Variants in SKI observed in about 807,000 individuals in gnomAD.
SKI encodes ski oncogene.
A neutral mutation model predicts 59.3 loss-of-function variants in SKI; 23 were observed. The ratio of observed to expected loss-of-function variants is 0.39; its 90% CI spans 0.28 to 0.55. The LOEUF (loss-of-function observed/expected upper bound fraction) is 0.55, where lower values mean the gene tolerates loss of function less well. Ranked by LOEUF, SKI falls within the 20% of genes least tolerant of loss-of-function variation. The probability of loss-of-function intolerance (pLI) is 0.67; values close to 1 mark genes in which losing one functional copy is unlikely to be tolerated. For synonymous variants in SKI, 673 were observed against 488.6 expected (o/e 1.38, Z -4.98); for missense variants, 1,017 against 1,038.9 (o/e 0.98, Z 0.29).
chr1:2,284,801 C>T (rs546354402), intron 1 of SKI, among the ~76,000 whole-genome samples: 2 of 152,264 alleles, frequency 1.3e-5, no homozygotes, highest in East Asian at 1.9e-4. Context: ...CACGGGGGCC[C>T]ACCTTGGCCT....
intron 1 of SKI, among the ~76,000 whole-genome samples, chr1:2,232,141 G>C (rs1638652675): frequency 6.6e-6 from 1 of 152,254 alleles, no homozygotes; most frequent in Admixed American, 6.5e-5. Flanking sequence ...TGTCTTGACA[G>C]CTTATTCTCG....
intron 1 of SKI, among the ~76,000 whole-genome samples, chr1:2,295,511 C>T (rs957301247): frequency 6.6e-6 from 1 of 152,228 alleles, no homozygotes; most frequent in Non-Finnish European, 1.5e-5. Flanking sequence ...TCACCCCCAA[C>T]AAGAAGCCCC....
At chr1:2,271,245 T>C (rs1172435053) in intron 1 of SKI, among the ~76,000 whole-genome samples, 1 of 152,022 alleles carries the variant, frequency 6.6e-6, no homozygotes, top group African/African-American at 2.4e-5. Context: ...CCCTGATGGC[T>C]CCAGGGGCTT....
intron 1 of SKI, among the ~76,000 whole-genome samples, chr1:2,253,382 T>C (rs1316530861): frequency 6.6e-6 from 1 of 152,240 alleles, no homozygotes; most frequent in Non-Finnish European, 1.5e-5. Flanking sequence ...TTTAGGTGTC[T>C]GGAGTTATCC....
chr1:2,307,600 C>T lies in SKI; in HGVS notation c.*835C>T, dbSNP rs528280335. 2 of 152,634 alleles carry T rather than the reference C, an allele frequency of 1.3e-5. No homozygotes were observed. Among genetic ancestry groups the T allele is most frequent in the South Asian group, 2.1e-4 (1 of 4,830 alleles). 9.5% of individuals were successfully genotyped at this position (152,634 alleles called of 1,614,324 possible). ...CCTCCGGGCACACGTGCCGCCTGAC[C>T]GGGCGACCCTTTTCAGTTCGGCAAA... On this transcript the variant is annotated 3_prime_UTR_variant, in exon 7 of 7. Coordinates refer to ENST00000378536, the MANE Select transcript of SKI (RefSeq NM_003036.4).
At chr1:2,232,168 C>T (rs547355500) in intron 1 of SKI, among the ~76,000 whole-genome samples, 2 of 152,338 alleles carry the variant, frequency 1.3e-5, no homozygotes, top group African/African-American at 2.4e-5. Flanking sequence ...GTTTTGATTT[C>T]TTCACTTCCT....
intron 1 of SKI, among the ~76,000 whole-genome samples, chr1:2,249,943 C>T (rs1482687252): frequency 6.6e-6 from 1 of 152,084 alleles, no homozygotes; most frequent in Non-Finnish European, 1.5e-5. Context: ...GTCACTCTGT[C>T]TCCCAGGCTG....
chr1:2,288,062 C>A (rs927433631), intron 1 of SKI, among the ~76,000 whole-genome samples: 1 of 152,068 alleles, frequency 6.6e-6, no homozygotes, highest in Non-Finnish European at 1.5e-5. Context: ...GATCTCGGCT[C>A]ACCCCAACCT....
intron 1 of SKI, among the ~76,000 whole-genome samples, chr1:2,258,515 T>C (rs1420677875): frequency 6.6e-6 from 1 of 151,912 alleles, no homozygotes; most frequent in Non-Finnish European, 1.5e-5. Flanking sequence ...TTTTTTTTTT[T>C]TTTTCTCCCA....
At chr1:2,236,373 G>A (rs1450144317) in intron 1 of SKI, among the ~76,000 whole-genome samples, 2 of 152,132 alleles carry the variant, frequency 1.3e-5, no homozygotes, top group Non-Finnish European at 1.5e-5. Flanking sequence ...CCATTCTTTG[G>A]CTAGAAGGAG....
intron 1 of SKI, among the ~76,000 whole-genome samples, chr1:2,300,022 T>TC (rs1288584170): frequency 6.6e-6 from 1 of 152,210 alleles, no homozygotes; most frequent in Non-Finnish European, 1.5e-5. Flanking sequence ...CAGGAACTGT[T>TC]CCGTCAGAGG....
Position 2,229,315 on chromosome 1 carries a change from G to T in SKI, c.549G>T (p.Glu183Asp), listed in dbSNP as rs1352052317. Residue 183 changes from glutamate (E) to aspartate (D), a missense_variant, in exon 1 of 7, where the codon GAG becomes GAT. Physicochemically the swap from Glu to Asp is conservative, Grantham distance 45. Coordinates refer to ENST00000378536, the MANE Select transcript of SKI (RefSeq NM_003036.4). This position sits in a 1 kb window ranked among gnomAD's most constrained non-coding sequence, Gnocchi z 6.3. ...GGCTCATCACCAAGACGGACGCCGA[G>T]CGCCTGTGCAACGCGCTGCTCTACG... The part of the protein sequence containing the change: ...SCGLITKTDA[E>D]RLCNALLYGG... 1 of 1,596,418 alleles carries T rather than the reference G, an allele frequency of 6.3e-7. No individual in the cohort carries two copies. Among genetic ancestry groups the T allele is most frequent in the Non-Finnish European group, 8.5e-7 (1 of 1,172,420 alleles).
Position 2,228,864 on chromosome 1 carries a change from GC to G in SKI, c.99del (p.Gly34AlafsTer254). 7.0e-7 allele frequency: 1 copy of G among 1,431,054 alleles called. No homozygotes were observed. Among genetic ancestry groups the G allele is most frequent in the Non-Finnish European group, 9.2e-7 (1 of 1,088,696 alleles). 88.6% of individuals were successfully genotyped at this position (1,431,054 alleles called of 1,614,324 possible). A position where few individuals can be genotyped will look rare whatever the true frequency, so the allele number is the denominator to read the frequency against. On this transcript the variant is annotated frameshift_variant, in exon 1 of 7. Coordinates refer to ENST00000378536, the MANE Select transcript of SKI (RefSeq NM_003036.4). LOFTEE classifies it high-confidence loss of function. Reference protein sequence around the residue: ...QFHLSSMSSLGGPAAFSARWA... With the variant: ...QFHLSSMSSLXGPAAFSARWA... ...CACCTGAGCTCCATGAGCTCGCTGG[GC>G]GGCCCGGCCGCTTTCTCGGCGCGCT...
At chr1:2,278,297 C>G (rs1359578681) in intron 1 of SKI, among the ~76,000 whole-genome samples, 1 of 152,238 alleles carries the variant, frequency 6.6e-6, no homozygotes, top group Non-Finnish European at 1.5e-5. Flanking sequence ...CAGCAGCCAG[C>G]TCTGGCTTGG....
intron 1 of SKI, among the ~76,000 whole-genome samples, chr1:2,272,828 G>A (rs1006106508): frequency 6.6e-6 from 1 of 151,938 alleles, no homozygotes; most frequent in Non-Finnish European, 1.5e-5. Flanking sequence ...ACCACGCCCC[G>A]AGCCTCCCCC....
intron 1 of SKI, among the ~76,000 whole-genome samples, chr1:2,295,390 G>A (rs1038321486): frequency 1.3e-5 from 2 of 152,234 alleles, no homozygotes; most frequent in African/African-American, 4.8e-5. Context: ...TTAAAATTAA[G>A]ACTGTATTCA....
At chr1:2,240,243 G>A (rs1569692667) in intron 1 of SKI, among the ~76,000 whole-genome samples, 1 of 152,258 alleles carries the variant, frequency 6.6e-6, no homozygotes, top group African/African-American at 2.4e-5. Flanking sequence ...GCCTCTGGGA[G>A]GGTGAAATGG....
chr1:2,305,959 C>A, intron 5 of SKI, 61 bp from the exon 6 acceptor site: 2 of 1,281,560 alleles, frequency 1.6e-6, no homozygotes, highest in South Asian at 1.3e-5. Flanking sequence ...GACTGCTGGT[C>A]ATGGTGAGGG....
At chr1:2,292,371 C>T (rs1179628570) in intron 1 of SKI, among the ~76,000 whole-genome samples, 1 of 152,176 alleles carries the variant, frequency 6.6e-6, no homozygotes, top group Non-Finnish European at 1.5e-5. Flanking sequence ...CCGCAGTGGG[C>T]TGCCCTGGGT....
Sources: allele counts gnomAD v4.1 joint callset (sites outside exome capture counted in the v4.1 genomes callset), GRCh38; gene constraint gnomAD v4.1.1; non-coding constraint Gnocchi (gnomAD v3.1); transcripts MANE v1.5; gene names NCBI Gene and HGNC (gene_info 2026-07-23, HGNC 2026-07-21).